TYK2: variants seen among roughly 807,000 people sequenced by gnomAD.
TYK2 encodes tyrosine kinase 2, also known as non-receptor tyrosine-protein kinase TYK2.
Under a neutral mutation model 130.9 loss-of-function variants are expected in TYK2, and 65 were observed. The observed-to-expected ratio is 0.50, with a 90% confidence interval of 0.41 to 0.61. The LOEUF (loss-of-function observed/expected upper bound fraction) is 0.61. Ranked by LOEUF, TYK2 falls within the 20% of genes least tolerant of loss-of-function variation. TYK2 has a pLI of 0.00. For synonymous variants in TYK2, 647 were observed against 658.9 expected, an observed-to-expected ratio of 0.98 and a Z score of 0.28; for missense variants, 1,378 against 1,610.7, an observed-to-expected ratio of 0.86 and a Z score of 2.47.
intron 18 of TYK2, 45 bp downstream of exon 18, chr19:10,356,523 C>T (rs961177227): frequency 9.3e-6 from 15 of 1,608,756 alleles, no homozygotes; most frequent in Non-Finnish European, 1.1e-5. Context: ...GGGATCCCAG[C>T]CCCGTCCCAC....
chr19:10,354,338 A>G, intron 19 of TYK2, 104 bp from the exon 20 acceptor site: 1 of 1,450,178 alleles, frequency 6.9e-7, no homozygotes, highest in Non-Finnish European at 9.5e-7. Flanking sequence ...CTTTCGGAAT[A>G]CCCCAGGCCC....
chr19:10,371,849 G>A (rs576353730), intron 3 of TYK2, among the ~76,000 whole-genome samples: 3 of 152,204 alleles, frequency 2.0e-5, no homozygotes, highest in African/African-American at 7.2e-5. Context: ...ACTTTGCAAT[G>A]GTCTCCCCTT....
intron 23 of TYK2, chr19:10,351,487 CAAAAA>C (rs954394637): frequency 1.8e-5 from 6 of 332,940 alleles, no homozygotes; most frequent in African/African-American, 4.3e-5. Flanking sequence ...AACTCCATCT[CAAAAA>C]AGAAAAAGAA....
At chr19:10,354,647 C>G (rs2040993318) in intron 18 of TYK2, 38 bp from the exon 19 acceptor site, 3 of 1,559,560 alleles carry the variant, frequency 1.9e-6, no homozygotes. Flanking sequence ...TGACCCCGAT[C>G]CTTTCCCCAG....
intron 14 of TYK2, among the ~76,000 whole-genome samples, chr19:10,359,541 T>C (rs1039328981): frequency 1.3e-5 from 2 of 151,968 alleles, no homozygotes; most frequent in South Asian, 4.2e-4. Context: ...ACGGAAGAAG[T>C]TGAAGTTCAA....
chr19:10,374,228 T>C (rs2042025238), intron 3 of TYK2, among the ~76,000 whole-genome samples: 1 of 151,546 alleles, frequency 6.6e-6, no homozygotes, highest in African/African-American at 2.4e-5. Context: ...ATCGCGCCAC[T>C]GCACTCCAGC....
rs760138236 is a variant in TYK2 at position 10,365,667 on chromosome 19, C to T, written c.861G>A (p.Glu287=). Residue 287 remains glutamate (E), a synonymous_variant, in exon 7 of 25, where the codon GAG becomes GAA. Coordinates refer to ENST00000525621, the MANE Select transcript of TYK2 (RefSeq NM_003331.5). ...VCHLRLLAQA[E]GEPCYIRDSG... ...TGTCCCGGATGTAGCAGGGCTCCCCCTCGGCCTGGGCCAGCAGCCTCAGGT... is the reference window on the plus strand; with the variant it reads ...TGTCCCGGATGTAGCAGGGCTCCCCTTCGGCCTGGGCCAGCAGCCTCAGGT... The T allele has an allele frequency of 1.2e-6, 2 of 1,613,366 alleles. No individual in the cohort carries two copies. Among genetic ancestry groups the T allele is most frequent in the South Asian group, 2.2e-5 (2 of 91,070 alleles).
rs1418449956 is a variant in TYK2, at chr19:10,362,584, A to C, written c.1441T>G (p.Tyr481Asp). The C allele has an allele frequency of 6.4e-7, 1 of 1,554,106 alleles. No individual in the cohort carries two copies. The highest frequency in any genetic ancestry group is 1.4e-5 in the African/African-American group (1 of 73,198). ...YLIHWSTSHP[Y>D]RLILTVAQRS... ...TGGGCCACTGTGAGGATCAGGCGGT[A>C]GGGGTGGCTGGTGCTCCAGTGAATG... The change falls in exon 10 of 25, where the codon TAC becomes GAC. Residue 481 changes from tyrosine (Y) to aspartate (D), a missense_variant. Coordinates refer to ENST00000525621, the MANE Select transcript of TYK2 (RefSeq NM_003331.5).
intron 3 of TYK2, among the ~76,000 whole-genome samples, chr19:10,373,850 C>A (rs913748726): frequency 5.9e-5 from 9 of 151,990 alleles, no homozygotes; most frequent in Admixed American, 4.6e-4. Context: ...AAAATTGATA[C>A]CCCAGTCACC....
chr19:10,365,695 C>T lies in TYK2; in HGVS notation c.833G>A (p.Cys278Tyr). 6.8e-6 allele frequency: 11 copies of T among 1,613,176 alleles called. 1 individual carries two copies. In the South Asian group the frequency reaches 1.2e-4, roughly 18 times the overall value. ...GGCCTGGGCCAGCAGCCTCAGGTGG[C>T]ACACGGGCACACGCTCTGTGCCGAA... ...PRFGTERVPV[C>Y]HLRLLAQAEG... Residue 278 changes from cysteine (C) to tyrosine (Y), a missense_variant, in exon 7 of 25, where the codon TGC becomes TAC. Physicochemically the swap from Cys to Tyr is radical, Grantham distance 194. Transcript: ENST00000525621.
chr19:10,378,230 G>A lies in TYK2; in HGVS notation c.177C>T (p.His59=). The change falls in exon 3 of 25, where the codon CAC becomes CAT. Residue 59 remains histidine, a synonymous_variant. Transcript: ENST00000525621. ...CAGACTCACCAACTTTATGTGCAAT[G>A]TGGATGCAGACTTCCTCAGCTGTCA... ...SSLTAEEVCI[H]IAHKVGITPP... The A allele has an allele frequency of 1.2e-6, 2 of 1,612,924 alleles. No homozygotes were observed. The highest frequency in any genetic ancestry group is 2.2e-5 in the East Asian group (1 of 44,880).
intron 5 of TYK2, among the ~76,000 whole-genome samples, chr19:10,367,658 C>T (rs1404945684): frequency 6.6e-6 from 1 of 150,688 alleles, no homozygotes; most frequent in East Asian, 2.0e-4. Context: ...CGGTGGCTCA[C>T]GCCTGTAATC....
intron 3 of TYK2, among the ~76,000 whole-genome samples, chr19:10,372,476 ATATATATATTTTTTTT>A (rs2041952428): frequency 3.1e-5 from 2 of 63,712 alleles, no homozygotes; most frequent in South Asian, 5.0e-4. Flanking sequence ...ATATATATAT[ATATATATATTTTTTTT>A]TTTTTTTTTT....
In TYK2 at chr19:10,353,474, C is replaced by G; in HGVS notation, c.3027+54G>C. 1 of 1,338,630 alleles carries G rather than the reference C, an allele frequency of 7.5e-7. No homozygotes were observed. Among genetic ancestry groups the G allele is most frequent in the South Asian group, 1.6e-5 (1 of 62,972 alleles). 82.9% of individuals were successfully genotyped at this position (1,338,630 alleles called of 1,614,324 possible). A position where few individuals can be genotyped will look rare whatever the true frequency, so the allele number is the denominator to read the frequency against. On this transcript the variant is annotated intron_variant, in intron 21 of 24. Transcript: ENST00000525621. The surrounding 1 kb of genome is among the most constrained non-coding windows in gnomAD (Gnocchi z 6.9). The stretch of plus-strand genomic sequence containing the variant: ...GACTGCACCGGATCGCTCAGGCCAG[C>G]CCAAGCTGAAGAGGAAGGGGCAAGC...
At position 10,354,622 on chromosome 19, in the gene TYK2, C is replaced by T. The variant is rs969200354; in HGVS notation, c.2618-13G>A. 5 of 1,611,416 alleles carry T rather than the reference C, an allele frequency of 3.1e-6. No individual in the cohort carries two copies. Among genetic ancestry groups the T allele is most frequent in the Non-Finnish European group, 4.2e-6 (5 of 1,177,768 alleles). ...ACGTCAGCAAGATCTGGAAGAGTTG[C>T]GGTGGGTAAAGGCCTGACCCCGATC... On this transcript the variant is annotated splice_polypyrimidine_tract_variant and intron_variant, in intron 18 of 24. Coordinates refer to ENST00000525621, the MANE Select transcript of TYK2 (RefSeq NM_003331.5).
Position 10,368,531 on chromosome 19 carries a change from C to T in TYK2, c.194-113G>A, listed in dbSNP as rs1169031852. On this transcript the variant is annotated intron_variant, in intron 3 of 24. Transcript: ENST00000525621. ...ACTCCCTCTGAGGCCCCCTCCCCCA[C>T]CTGCAGCTTCAGTCTCACGTTGCCC... 9 of 1,511,044 alleles carry T rather than the reference C, an allele frequency of 6.0e-6. No individual in the cohort carries two copies. The Admixed American group carries it at 7.2e-5, about 12-fold the overall frequency. The allele number at this position is 1,511,044 out of a possible 1,614,324, so 93.6% of individuals were successfully genotyped here.
rs765060748 is a variant in TYK2 at position 10,364,974 on chromosome 19, G to A, written c.1086C>T (p.Val362=). 38 of 1,613,886 alleles carry A rather than the reference G, an allele frequency of 2.4e-5. No homozygotes were observed. In the South Asian group the frequency reaches 2.4e-4, roughly 10 times the overall value. ...CCCGCGGCCTGTCTGCCGGCTGGCC[G>A]ACTGCCTTGTGAGCCTTGGCCTTCT... The part of the protein sequence containing the change: ...FGKKAKAHKA[V]GQPADRPREP... The change falls in exon 8 of 25, where the codon GTC becomes GTT. Residue 362 remains valine, a synonymous_variant. Transcript: ENST00000525621. This position sits in a 1 kb window ranked among gnomAD's most constrained non-coding sequence, Gnocchi z 4.9.
At chr19:10,366,190 C>A (rs1300087078) in intron 6 of TYK2, among the ~76,000 whole-genome samples, 1 of 151,960 alleles carries the variant, frequency 6.6e-6, no homozygotes. Flanking sequence ...ACCTGTAATC[C>A]CAGCTACTCA....
At position 10,378,443 on chromosome 19, in the gene TYK2, C is replaced by T. The variant is rs1358166890; in HGVS notation, c.-20-17G>A. ...GTGGCTCAGCTGGAAAGGGGACAAT[C>T]TGTCAGCTCCCAAGTCTCAGCCCAG... On this transcript the variant is annotated splice_polypyrimidine_tract_variant and intron_variant, in intron 2 of 24. Transcript: ENST00000525621. The T allele has an allele frequency of 1.9e-6, 3 of 1,595,146 alleles. No individual in the cohort carries two copies. The highest frequency in any genetic ancestry group is 2.6e-6 in the Non-Finnish European group (3 of 1,174,708).
Sources: gnomAD v4.1 joint callset for allele counts (sites outside exome capture counted in the v4.1 genomes callset) on GRCh38, gnomAD v4.1.1 for gene constraint, Gnocchi (gnomAD v3.1) non-coding constraint, MANE v1.5 for transcripts, NCBI Gene and HGNC (gene_info 2026-07-23, HGNC 2026-07-21) for gene names.